The following NPTN variants were observed in gnomAD, a reference collection of about 807,000 sequenced individuals.
The protein encoded by NPTN is SDR-1.
NPTN carries 5 observed loss-of-function variants against 42.7 expected under a neutral mutation model. That is an observed-to-expected ratio of 0.12 (90% confidence interval 0.06 to 0.25). NPTN has a LOEUF of 0.25. NPTN is among the 10% of genes least tolerant of loss of function. The probability of loss-of-function intolerance (pLI) is 1.00; values close to 1 mark genes in which losing one functional copy is unlikely to be tolerated. For synonymous variants in NPTN, 180 were observed against 201.9 expected, an observed-to-expected ratio of 0.89 and a Z score of 0.92; for missense variants, 307 against 525.4, an observed-to-expected ratio of 0.58 and a Z score of 4.06.
intron 1 of NPTN, among the ~76,000 whole-genome samples, chr15:73,619,037 C>T (rs1008228499): frequency 8.1e-6 from 1 of 123,992 alleles, no homozygotes; most frequent in South Asian, 2.5e-4. Flanking sequence ...CCAGCCTGGG[C>T]AAACACAGCA....
At chr15:73,562,769 A>G (rs1201307737) in intron 7 of NPTN, among the ~76,000 whole-genome samples, 3 of 152,198 alleles carry the variant, frequency 2.0e-5, no homozygotes, top group African/African-American at 7.2e-5. Flanking sequence ...AGTATAACAC[A>G]TGGAAATACA....
chr15:73,607,754 C>G (rs1233019570), intron 1 of NPTN, among the ~76,000 whole-genome samples: 1 of 152,154 alleles, frequency 6.6e-6, no homozygotes, highest in African/African-American at 2.4e-5. Context: ...CAAAGCTTTC[C>G]TTAGATGACA....
rs1896769727 is a variant in NPTN, at chr15:73,595,039, G to C, written c.439+1983C>G. Among the ~76,000 whole-genome samples the C allele has an allele frequency of 1.3e-5, 2 of 151,972 alleles. 1 individual carries two copies. Among genetic ancestry groups the C allele is most frequent in the South Asian group, 4.2e-4 (2 of 4,816 alleles). On this transcript the variant is annotated intron_variant, in intron 2 of 8. Transcript: ENST00000345330. Reference sequence around the variant, plus strand: ...CTTGGGTTAACTGACTGATGGGGAAGTCTGAAGAGAGTCTAGCCAGGATTT... The same window carrying C: ...CTTGGGTTAACTGACTGATGGGGAACTCTGAAGAGAGTCTAGCCAGGATTT...
intron 1 of NPTN, among the ~76,000 whole-genome samples, chr15:73,623,350 C>T (rs374611455): frequency 2.0e-5 from 3 of 152,314 alleles, no homozygotes; most frequent in East Asian, 1.9e-4. Flanking sequence ...GATTCATAAT[C>T]ATAGAAGTTT....
chr15:73,580,403 TATATATA>T, intron 4 of NPTN, among the ~76,000 whole-genome samples: 1 of 103,226 alleles, frequency 9.7e-6, no homozygotes, highest in East Asian at 2.6e-4. Context: ...ATATATATTA[TATATATA>T]ATATATATAT....
At position 73,597,873 on chromosome 15, in the gene NPTN, G is replaced by C. The variant is rs1402503913; in HGVS notation, c.92-504C>G. On this transcript the variant is annotated intron_variant, in intron 1 of 8. Coordinates refer to ENST00000345330, the MANE Select transcript of NPTN (RefSeq NM_012428.4). The surrounding 1 kb of genome is among the most constrained non-coding windows in gnomAD (Gnocchi z 6.3). ...TGTCTTTTGCAAGCCTCAACAAGAAGTATTAAATGACCTACTGGTGCCTTC... is the reference window on the plus strand; with the variant it reads ...TGTCTTTTGCAAGCCTCAACAAGAACTATTAAATGACCTACTGGTGCCTTC... Among the ~76,000 whole-genome samples the C allele has an allele frequency of 6.6e-6, 1 of 152,216 alleles. No individual in the cohort carries two copies. The highest frequency in any genetic ancestry group is 2.4e-5 in the African/African-American group (1 of 41,458).
intron 6 of NPTN, chr15:73,568,019 C>T (rs75418437): frequency 0.077 from 76,005 of 985,178 alleles, 3,263 homozygotes; most frequent in African/African-American, 0.18. Context: ...GGTACTTTCC[C>T]TCTAGGAAGC....
At position 73,633,347 on chromosome 15, in the gene NPTN, G is replaced by C. The variant is rs1898875633; in HGVS notation, c.-132C>G. The C allele has an allele frequency of 7.0e-6, 4 of 575,426 alleles. No homozygotes were observed. The highest frequency in any genetic ancestry group is 7.0e-5 in the East Asian group (2 of 28,728). 35.6% of individuals were successfully genotyped at this position (575,426 alleles called of 1,614,324 possible). A position where few individuals can be genotyped will look rare whatever the true frequency, so the allele number is the denominator to read the frequency against. On this transcript the variant is annotated 5_prime_UTR_variant, in exon 1 of 9. Coordinates refer to ENST00000345330, the MANE Select transcript of NPTN (RefSeq NM_012428.4). ...AGGGAGGCAGCCGCGGCTCGGCTCCGTCCTTCCCCGTCCTCCTCCTGCCGC... is the reference window on the plus strand; with the variant it reads ...AGGGAGGCAGCCGCGGCTCGGCTCCCTCCTTCCCCGTCCTCCTCCTGCCGC...
At chr15:73,611,507 A>C (rs1327226735) in intron 1 of NPTN, among the ~76,000 whole-genome samples, 2 of 152,190 alleles carry the variant, frequency 1.3e-5, no homozygotes, top group African/African-American at 4.8e-5. Flanking sequence ...AAGGGTACAC[A>C]GTATGATTCC....
chr15:73,626,566 C>G (rs1219368661), intron 1 of NPTN, among the ~76,000 whole-genome samples: 1 of 152,104 alleles, frequency 6.6e-6, no homozygotes, highest in Non-Finnish European at 1.5e-5. Context: ...ATCCTACCAT[C>G]AGGAAGAAAA....
chr15:73,580,132 A>T (rs1895911297), intron 4 of NPTN, among the ~76,000 whole-genome samples: 1 of 152,020 alleles, frequency 6.6e-6, no homozygotes, highest in South Asian at 2.1e-4. Flanking sequence ...ATCCAAGTTC[A>T]GGGTTGTGTG....
chr15:73,629,269 C>A (rs1391733677), intron 1 of NPTN, among the ~76,000 whole-genome samples: 2 of 152,166 alleles, frequency 1.3e-5, no homozygotes, highest in Non-Finnish European at 2.9e-5. Flanking sequence ...TATGTCAAGG[C>A]AAACTATTTC....
chr15:73,573,854 G>A, intron 4 of NPTN, 59 bp from the exon 5 acceptor site: 1 of 1,583,074 alleles, frequency 6.3e-7, no homozygotes, highest in Non-Finnish European at 8.6e-7. Flanking sequence ...GGATACAAAG[G>A]CCCCACCTTC....
chr15:73,562,428 C>G (rs909216149), intron 7 of NPTN, among the ~76,000 whole-genome samples: 1 of 152,158 alleles, frequency 6.6e-6, no homozygotes, highest in African/African-American at 2.4e-5. Context: ...ACTTTCCCTT[C>G]GAATCCGGAA....
chr15:73,592,687 C>G (rs1007431150), intron 2 of NPTN, among the ~76,000 whole-genome samples: 2 of 152,140 alleles, frequency 1.3e-5, no homozygotes, highest in African/African-American at 4.8e-5. Flanking sequence ...AGCAAACTTC[C>G]TATTGGAAGT....
chr15:73,583,368 A>T (rs922083147), intron 4 of NPTN, among the ~76,000 whole-genome samples: 2 of 152,126 alleles, frequency 1.3e-5, no homozygotes, highest in Admixed American at 6.5e-5. Context: ...CCCTAGCTTC[A>T]CCAGTTAACT....
At chr15:73,633,090 A>T (rs1400379912) in intron 1 of NPTN, 35 bp downstream of exon 1, 1 of 1,376,288 alleles carries the variant, frequency 7.3e-7, no homozygotes. Flanking sequence ...GCGCCCCTCA[A>T]CCCCCGCCCG....
At chr15:73,590,773 A>G (rs945919383) in intron 3 of NPTN, among the ~76,000 whole-genome samples, 2 of 152,180 alleles carry the variant, frequency 1.3e-5, no homozygotes, top group Non-Finnish European at 2.9e-5. Flanking sequence ...ATAAAATAAA[A>G]TAACAACAAA....
chr15:73,586,336 A>C lies in NPTN; in HGVS notation c.706+1188T>G, dbSNP rs138364920. ...TGAATACATGTGGCATTCTTCTAAA[A>C]TGGGTAGAAACCAAGGTTTCTCCAA... On this transcript the variant is annotated intron_variant, in intron 4 of 8. Coordinates refer to ENST00000345330, the MANE Select transcript of NPTN (RefSeq NM_012428.4). Among the ~76,000 whole-genome samples, 374 of 152,348 alleles carry C rather than the reference A, an allele frequency of 2.5e-3. 6 individuals are homozygous for C. Among genetic ancestry groups the C allele is most frequent in the African/African-American group, 8.7e-3 (360 of 41,574 alleles).
Sources: allele counts gnomAD v4.1 joint callset (sites outside exome capture counted in the v4.1 genomes callset), GRCh38; gene constraint gnomAD v4.1.1; non-coding constraint Gnocchi (gnomAD v3.1); transcripts MANE v1.5; gene names NCBI Gene and HGNC (gene_info 2026-07-23, HGNC 2026-07-21).